Variants in CMTM7 observed in about 807,000 individuals in gnomAD.
CMTM7 encodes the protein CKLF-like MARVEL transmembrane domain-containing protein 7.
In CMTM7, 7 loss-of-function variants were observed where a neutral mutation model predicts 19.3. The ratio of observed to expected loss-of-function variants is 0.36; its 90% CI spans 0.21 to 0.68. The LOEUF (loss-of-function observed/expected upper bound fraction) is 0.68, where lower values mean the gene tolerates loss of function less well. CMTM7 is among the 30% of genes least tolerant of loss of function. The probability of loss-of-function intolerance (pLI) is 0.60; values close to 1 mark genes in which losing one functional copy is unlikely to be tolerated. For missense variants in CMTM7, 193 were observed against 232.6 expected, an observed-to-expected ratio of 0.83 and a Z score of 1.11; for synonymous variants, 87 against 99.3, an observed-to-expected ratio of 0.88 and a Z score of 0.74.
intron 1 of CMTM7, among the ~76,000 whole-genome samples, chr3:32,396,035 C>T (rs1275802581): frequency 1.3e-5 from 2 of 152,020 alleles, no homozygotes; most frequent in Non-Finnish European, 2.9e-5. Flanking sequence ...AAAAGCCAAC[C>T]ACAAAAGACC....
intron 1 of CMTM7, among the ~76,000 whole-genome samples, chr3:32,440,070 TAC>T (rs10526471): frequency 0.21 from 30,950 of 149,774 alleles, 3,347 homozygotes; most frequent in East Asian, 0.42. Flanking sequence ...ACCACACGCA[TAC>T]ACACACACAC....
At position 32,391,978 on chromosome 3, in the gene CMTM7, G is replaced by GGCCCA; in HGVS notation, c.80_84dup (p.Ala29ProfsTer22). On this transcript the variant is annotated frameshift_variant, in exon 1 of 5. Coordinates refer to ENST00000334983, the MANE Select transcript of CMTM7 (RefSeq NM_138410.4). LOFTEE classifies it high-confidence loss of function. ...GCGCGCTCGGACCCGGGGCCGGCGC[G>GGCCCA]GCCCAGCCCAGCGCGAGCCCCTTGG... The GGCCCA allele has an allele frequency of 1.6e-6, 2 of 1,232,676 alleles. No homozygotes were observed. The highest frequency in any genetic ancestry group is 2.0e-6 in the Non-Finnish European group (2 of 986,842). The allele number at this position is 1,232,676 out of a possible 1,614,324, so 76.4% of individuals were successfully genotyped here. A position where few individuals can be genotyped will look rare whatever the true frequency, so the allele number is the denominator to read the frequency against.
intron 1 of CMTM7, among the ~76,000 whole-genome samples, chr3:32,398,526 A>G (rs57627330): frequency 0.063 from 9,564 of 152,140 alleles, 974 homozygotes; most frequent in African/African-American, 0.21. Context: ...ACATTAATCA[A>G]AATGGTTATG....
At chr3:32,402,843 G>A (rs9819054) in intron 1 of CMTM7, among the ~76,000 whole-genome samples, 20,486 of 152,154 alleles carry the variant, frequency 0.13, 1,530 homozygotes, top group East Asian at 0.26. Flanking sequence ...GATTACAGGC[G>A]TGAGCCACTA....
chr3:32,452,189 GA>G (rs1559416451), intron 3 of CMTM7: 7 of 1,509,392 alleles, frequency 4.6e-6, no homozygotes, highest in Non-Finnish European at 6.2e-6. Flanking sequence ...GCCCAACCTG[GA>G]GGACTGGGGC....
chr3:32,433,370 G>A (rs1352318857), intron 1 of CMTM7, among the ~76,000 whole-genome samples: 2 of 152,202 alleles, frequency 1.3e-5, no homozygotes, highest in Admixed American at 6.5e-5. Flanking sequence ...TGAGAAATCG[G>A]TTGGGGATGA....
chr3:32,394,906 G>A (rs990737155), intron 1 of CMTM7, among the ~76,000 whole-genome samples: 3 of 151,878 alleles, frequency 2.0e-5, no homozygotes, highest in Non-Finnish European at 4.4e-5. Context: ...ATGTTGGCCA[G>A]GATGGTCTTG....
intron 1 of CMTM7, among the ~76,000 whole-genome samples, chr3:32,399,871 A>G (rs1008776479): frequency 2.0e-5 from 3 of 152,196 alleles, no homozygotes; most frequent in African/African-American, 7.2e-5. Flanking sequence ...AAAATAAGTT[A>G]TTGGCTTTAT....
chr3:32,397,143 C>A (rs1695930330), intron 1 of CMTM7, among the ~76,000 whole-genome samples: 1 of 152,102 alleles, frequency 6.6e-6, no homozygotes, highest in African/African-American at 2.4e-5. Flanking sequence ...TTACTAGACG[C>A]CACTCAATTA....
At chr3:32,396,944 A>G (rs893647321) in intron 1 of CMTM7, among the ~76,000 whole-genome samples, 1 of 152,256 alleles carries the variant, frequency 6.6e-6, no homozygotes, top group Non-Finnish European at 1.5e-5. Context: ...GCAGACATTT[A>G]TAACTGCCAC....
chr3:32,446,848 G>A (rs1368631224), intron 2 of CMTM7, among the ~76,000 whole-genome samples: 1 of 152,120 alleles, frequency 6.6e-6, no homozygotes, highest in African/African-American at 2.4e-5. Flanking sequence ...GAAAGTAGAA[G>A]CTCCCTGAAG....
At chr3:32,411,172 G>A (rs960918223) in intron 1 of CMTM7, among the ~76,000 whole-genome samples, 1 of 152,140 alleles carries the variant, frequency 6.6e-6, no homozygotes, top group Non-Finnish European at 1.5e-5. Flanking sequence ...CCCTAAACAA[G>A]GATGGTATTT....
chr3:32,391,903 C>A lies in CMTM7; in HGVS notation c.-4C>A. 1 of 1,219,784 alleles carries A rather than the reference C, an allele frequency of 8.2e-7. No homozygotes were observed. The highest frequency in any genetic ancestry group is 1.0e-6 in the Non-Finnish European group (1 of 980,098). The allele number at this position is 1,219,784 out of a possible 1,614,324, so 75.6% of individuals were successfully genotyped here. On this transcript the variant is annotated 5_prime_UTR_variant, in exon 1 of 5. Coordinates refer to ENST00000334983, the MANE Select transcript of CMTM7 (RefSeq NM_138410.4). ...GGAGGCGGCCAGCGAGCTGGGGCCG[C>A]GCAATGTCGCACGGAGCCGGGCTCG...
chr3:32,452,458 G>A lies in CMTM7; in HGVS notation c.499G>A (p.Val167Ile), dbSNP rs1448606296. The change falls in exon 4 of 5, where the codon GTA (valine) becomes ATA (isoleucine). Residue 167 changes from valine to isoleucine, a missense_variant. Coordinates refer to ENST00000334983, the MANE Select transcript of CMTM7 (RefSeq NM_138410.4). ...ATGGCTGTCCTATAAGATCTCGTGT[G>A]TAACCCAGTCCACAGGTGAGTTCTG... ...SIWLSYKISC[V>I]TQSTDAAV is the part of the protein sequence containing the mutation. The A allele has an allele frequency of 6.2e-7, 1 of 1,614,130 alleles. No homozygotes were observed. Among genetic ancestry groups the A allele is most frequent in the Non-Finnish European group, 8.5e-7 (1 of 1,180,014 alleles).
chr3:32,454,516 G>A lies in CMTM7; in HGVS notation c.*262G>A. ...AGCAGCCTCCAGGGAAATGTTTTCT[G>A]CCTTCCTGCTTCTAGAACCACCTCA... On this transcript the variant is annotated 3_prime_UTR_variant, in exon 5 of 5. Transcript: ENST00000334983. 2.9e-6 allele frequency: 2 copies of A among 682,292 alleles called. No individual in the cohort carries two copies. Among genetic ancestry groups the A allele is most frequent in the South Asian group, 3.0e-5 (2 of 66,496 alleles). 42.3% of individuals were successfully genotyped at this position (682,292 alleles called of 1,614,324 possible).
At chr3:32,430,681 A>ATGTGTGTGTGTG (rs35054129) in intron 1 of CMTM7, among the ~76,000 whole-genome samples, 5,440 of 133,914 alleles carry the variant, frequency 0.041, 184 homozygotes, top group African/African-American at 0.052. Flanking sequence ...CTACATCTGA[A>ATGTGTGTGTGTG]TGTGTGTGTG....
intron 1 of CMTM7, among the ~76,000 whole-genome samples, chr3:32,408,340 A>C (rs1002772967): frequency 6.6e-6 from 1 of 152,228 alleles, no homozygotes; most frequent in Non-Finnish European, 1.5e-5. Flanking sequence ...CAGATGCTAA[A>C]AATCTTCAAC....
chr3:32,453,329 T>C (rs1166255723), intron 4 of CMTM7, among the ~76,000 whole-genome samples: 1 of 152,168 alleles, frequency 6.6e-6, no homozygotes, highest in African/African-American at 2.4e-5. Context: ...TACCCAGAAG[T>C]AGCACTGAGT....
Position 32,454,352 on chromosome 3 carries a change from G to A in CMTM7, c.*98G>A, listed in dbSNP as rs866794685. ...ACCTGTGTTCCTGTGCCAAAGTCCT[G>A]TCAGGCTGGTGGGCACCAGGAAAGG... On this transcript the variant is annotated 3_prime_UTR_variant, in exon 5 of 5. Coordinates refer to ENST00000334983, the MANE Select transcript of CMTM7 (RefSeq NM_138410.4). 4 of 1,475,858 alleles carry A rather than the reference G, an allele frequency of 2.7e-6. No homozygotes were observed. The African/African-American group carries it at 4.2e-5, about 15-fold the overall frequency. The allele number at this position is 1,475,858 out of a possible 1,614,324, so 91.4% of individuals were successfully genotyped here.
Sources: allele counts gnomAD v4.1 joint callset (sites outside exome capture counted in the v4.1 genomes callset), GRCh38; gene constraint gnomAD v4.1.1; transcripts MANE v1.5; gene names NCBI Gene and HGNC (gene_info 2026-07-23, HGNC 2026-07-21).